The following STRBP variants were observed in gnomAD, a reference collection of about 807,000 sequenced individuals.
STRBP encodes spermatid perinuclear RNA-binding protein.
In STRBP, 13 loss-of-function variants were observed where a neutral mutation model predicts 80.1. That is an observed-to-expected ratio of 0.16 (90% CI 0.11 to 0.26). The LOEUF (loss-of-function observed/expected upper bound fraction) is 0.26. Among genes scored for constraint, STRBP ranks in the 10% least tolerant of loss-of-function variants. The pLI, the probability that STRBP is intolerant of heterozygous loss-of-function variation, is 1.00. For synonymous variants in STRBP, 284 were observed against 291.2 expected (o/e 0.98, Z 0.25); for missense variants, 485 against 815.2 (o/e 0.59, Z 4.93).
At chr9:123,116,669 G>A (rs1046523881), downstream of STRBP, among the ~76,000 whole-genome samples, 11 of 152,142 alleles carry the variant, frequency 7.2e-5, no homozygotes, top group East Asian at 1.9e-4. Flanking sequence ...AAGGTGAGCC[G>A]AACACATCAC....
intron 11 of STRBP, among the ~76,000 whole-genome samples, chr9:123,155,170 T>C (rs1348037838): frequency 1.3e-5 from 2 of 152,146 alleles, no homozygotes; most frequent in Non-Finnish European, 2.9e-5. Context: ...GATGAGAACA[T>C]ATACAAGTTA....
At chr9:123,169,869 T>C (rs2037931067) in intron 6 of STRBP, 33 bp downstream of exon 6, 3 of 1,105,600 alleles carry the variant, frequency 2.7e-6, no homozygotes, top group African/African-American at 1.7e-5. Context: ...ACAACAAATA[T>C]ATACATATAT....
intron 11 of STRBP, among the ~76,000 whole-genome samples, chr9:123,153,713 C>T (rs1182549251): frequency 1.3e-5 from 2 of 151,972 alleles, no homozygotes; most frequent in African/African-American, 2.4e-5. Flanking sequence ...ATCCATGTAG[C>T]GATATTGAGG....
Position 123,258,956 on chromosome 9 carries a change from G to A in STRBP, c.-302+9480C>T, listed in dbSNP as rs993611196. 7.2e-5 allele frequency among the ~76,000 whole-genome samples: 11 copies of A among 152,072 alleles called. No homozygotes were observed. In the East Asian group the frequency reaches 1.9e-3, roughly 27 times the overall value. On this transcript the variant is annotated intron_variant, in intron 1 of 18. Transcript: ENST00000348403. ...CTTTGTGTTTTACTCTGAGCAAGAT[G>A]GGCAATCACTAGAGGGTTTTGACCA... is the stretch of plus-strand genomic sequence containing the variant.
intron 11 of STRBP, 110 bp downstream of exon 11, chr9:123,157,902 T>C: frequency 2.4e-6 from 2 of 823,304 alleles, no homozygotes; most frequent in Non-Finnish European, 4.0e-6. Context: ...TTTTTATATA[T>C]GATTTGGATG....
intron 18 of STRBP, among the ~76,000 whole-genome samples, 177 bp from the exon 19 acceptor site, chr9:123,125,850 C>G (rs1404192592): frequency 6.6e-6 from 1 of 152,198 alleles, no homozygotes; most frequent in Non-Finnish European, 1.5e-5. Flanking sequence ...TGAAATTGCT[C>G]TTAATATTTT....
intron 11 of STRBP, among the ~76,000 whole-genome samples, chr9:123,156,162 T>C (rs1404562997): frequency 6.6e-6 from 1 of 152,082 alleles, no homozygotes; most frequent in Non-Finnish European, 1.5e-5. Flanking sequence ...AGAGTGGTTG[T>C]GAATTTGGTG....
At chr9:123,113,881 G>A (rs1251593271) in intron 3 of STRBP, 2 of 167,116 alleles carry the variant, frequency 1.2e-5, no homozygotes, top group Non-Finnish European at 2.9e-5. Context: ...TTTACGCACT[G>A]TCTCTGGCTG....
intron 13 of STRBP, among the ~76,000 whole-genome samples, chr9:123,140,860 C>A (rs573599830): frequency 6.6e-6 from 1 of 152,306 alleles, no homozygotes; most frequent in Admixed American, 6.5e-5. Context: ...TGCTCACACA[C>A]CTCCACACAC....
At chr9:123,148,560 C>A (rs2036920137) in intron 11 of STRBP, among the ~76,000 whole-genome samples, 1 of 152,194 alleles carries the variant, frequency 6.6e-6, no homozygotes, top group Non-Finnish European at 1.5e-5. Context: ...TACTTAATAT[C>A]ATTTCAAACA....
intron 2 of STRBP, among the ~76,000 whole-genome samples, chr9:123,229,897 T>TA (rs1346804337): frequency 1.3e-5 from 2 of 152,178 alleles, no homozygotes; most frequent in African/African-American, 4.8e-5. Flanking sequence ...TTATGAATTT[T>TA]AAAAAATAAA....
intron 13 of STRBP, among the ~76,000 whole-genome samples, chr9:123,142,282 T>C (rs2036621139): frequency 6.6e-6 from 1 of 152,200 alleles, no homozygotes; most frequent in South Asian, 2.1e-4. Context: ...TGTTTAAAAG[T>C]ATGTGGCACT....
chr9:123,135,984 ATT>A, intron 16 of STRBP, 55 bp downstream of exon 16: 1 of 1,592,428 alleles, frequency 6.3e-7, no homozygotes, highest in South Asian at 1.1e-5. Context: ...AGGAAAGAAA[ATT>A]TAATTCCTCT....
chr9:123,158,655 T>C (rs1207464758), intron 9 of STRBP, among the ~76,000 whole-genome samples: 1 of 152,176 alleles, frequency 6.6e-6, no homozygotes, highest in African/African-American at 2.4e-5. Flanking sequence ...CTTGTATATC[T>C]AAGGCCCAAA....
intron 2 of STRBP, among the ~76,000 whole-genome samples, chr9:123,202,266 C>G (rs1342496323): frequency 6.6e-6 from 1 of 152,068 alleles, no homozygotes; most frequent in African/African-American, 2.4e-5. Flanking sequence ...CATGTTGTTA[C>G]CTAGTTTGTT....
chr9:123,237,298 T>G (rs956195726), intron 1 of STRBP, among the ~76,000 whole-genome samples: 5 of 151,774 alleles, frequency 3.3e-5, no homozygotes, highest in Admixed American at 3.3e-4. Context: ...AATAACAGAG[T>G]TGTAGCTAGG....
At chr9:123,239,324 G>A (rs949578871) in intron 1 of STRBP, among the ~76,000 whole-genome samples, 15 of 152,156 alleles carry the variant, frequency 9.9e-5, no homozygotes, top group South Asian at 2.1e-4. Context: ...GCAGTGAGCC[G>A]AGATCGCGCC....
chr9:123,246,363 C>G (rs970842832), intron 1 of STRBP, among the ~76,000 whole-genome samples: 5 of 152,206 alleles, frequency 3.3e-5, no homozygotes, highest in Admixed American at 3.3e-4. Context: ...TTCAACACAT[C>G]CGGGCAGCAG....
At position 123,135,990 on chromosome 9, in the gene STRBP, T is replaced by C; in HGVS notation, c.1773+51A>G. 4 of 1,591,930 alleles carry C rather than the reference T, an allele frequency of 2.5e-6. No individual in the cohort carries two copies. In the South Asian group the frequency reaches 4.5e-5, roughly 18 times the overall value. On this transcript the variant is annotated intron_variant, in intron 16 of 18. Coordinates refer to ENST00000348403, the MANE Select transcript of STRBP (RefSeq NM_018387.5). The stretch of plus-strand genomic sequence containing the variant: ...CACATGGACAGGAAAGAAAATTTAA[T>C]TCCTCTAACATTTTTCACAGGTTCT...
Sources: gnomAD v4.1 joint callset for allele counts (sites outside exome capture counted in the v4.1 genomes callset) on GRCh38, gnomAD v4.1.1 for gene constraint, MANE v1.5 for transcripts, NCBI Gene and HGNC (gene_info 2026-07-23, HGNC 2026-07-21) for gene names.